RBM42: variants seen among roughly 807,000 people sequenced by gnomAD.
RBM42 encodes RNA-binding protein 42.
Under a neutral mutation model 41.4 loss-of-function variants are expected in RBM42, and 21 were observed. That is an observed-to-expected ratio of 0.51 (90% CI 0.36 to 0.73). RBM42 has a LOEUF of 0.73. RBM42 is among the 30% of genes least tolerant of loss of function. The probability of loss-of-function intolerance (pLI) is 0.00; values close to 1 mark genes in which losing one functional copy is unlikely to be tolerated. For synonymous variants in RBM42, 272 were observed against 271.2 expected, an observed-to-expected ratio of 1.00 and a Z score of -0.03; for missense variants, 539 against 680.4, an observed-to-expected ratio of 0.79 and a Z score of 2.31.
intron 8 of RBM42, among the ~76,000 whole-genome samples, 171 bp downstream of exon 8, chr19:35,634,544 G>A (rs115792826): frequency 3.3e-5 from 5 of 152,130 alleles, no homozygotes; most frequent in African/African-American, 1.2e-4. Flanking sequence ...ACCTAGCCAT[G>A]GGCCGGAGCT....
chr19:35,633,663 C>A, intron 6 of RBM42, 24 bp from the exon 7 acceptor site: 4 of 1,415,596 alleles, frequency 2.8e-6, no homozygotes, highest in Non-Finnish European at 3.7e-6. Flanking sequence ...GCCGGCCCCC[C>A]TCATGCTCTC....
At position 35,637,433 on chromosome 19, in the gene RBM42, T is replaced by C; in HGVS notation, c.1331-9T>C. 6.2e-7 allele frequency: 1 copy of C among 1,613,878 alleles called. No homozygotes were observed. Among genetic ancestry groups the C allele is most frequent in the Non-Finnish European group, 8.5e-7 (1 of 1,179,866 alleles). ...ACCCGAGCCTGCCTTGAACCCTCTGTCTCCACAGGGAAGTATGTGGGCTCG... is the reference window on the plus strand; with the variant it reads ...ACCCGAGCCTGCCTTGAACCCTCTGCCTCCACAGGGAAGTATGTGGGCTCG... On this transcript the variant is annotated splice_polypyrimidine_tract_variant and intron_variant, in intron 9 of 9. Coordinates refer to ENST00000262633, the MANE Select transcript of RBM42 (RefSeq NM_024321.5). The surrounding 1 kb of genome is among the most constrained non-coding windows in gnomAD (Gnocchi z 7.0).
intron 8 of RBM42, 53 bp downstream of exon 8, chr19:35,634,426 C>A: frequency 7.4e-7 from 1 of 1,342,562 alleles, no homozygotes; most frequent in Non-Finnish European, 1.1e-6. Context: ...TCAGACCAGG[C>A]TGCTGTCCTT....
Position 35,633,919 on chromosome 19 carries a change from G to T in RBM42, c.917G>T (p.Arg306Leu). 6.3e-7 allele frequency: 1 copy of T among 1,589,814 alleles called. No individual in the cohort carries two copies. The highest frequency in any genetic ancestry group is 8.5e-7 in the Non-Finnish European group (1 of 1,172,676). ...CTGCCCCTCCCGTTGGAGGTCGTCC[G>T]CGGCCTCCTGCCCCCGCTGCGCATT... is the stretch of plus-strand genomic sequence containing the variant. ...EPLPLPLEVV[R>L]GLLPPLRIPE... The change falls in exon 7 of 10, where the codon CGC becomes CTC. Residue 306 changes from arginine to leucine, a missense_variant. By Grantham distance (102) the Arg-to-Leu change is moderately radical (BLOSUM62 -2). This residue lies in a region of RBM42 where 429 missense variants were observed against 488.9 expected (regional missense o/e 0.88). Coordinates refer to ENST00000262633, the MANE Select transcript of RBM42 (RefSeq NM_024321.5).
At position 35,637,088 on chromosome 19, in the gene RBM42, A is replaced by C; in HGVS notation, c.1136-70A>C. The C allele has an allele frequency of 7.1e-7, 1 of 1,414,374 alleles. No individual in the cohort carries two copies. The highest frequency in any genetic ancestry group is 1.3e-5 in the South Asian group (1 of 76,024). The allele number at this position is 1,414,374 out of a possible 1,614,324, so 87.6% of individuals were successfully genotyped here. On this transcript the variant is annotated intron_variant, in intron 8 of 9. Coordinates refer to ENST00000262633, the MANE Select transcript of RBM42 (RefSeq NM_024321.5). The surrounding 1 kb of genome is among the most constrained non-coding windows in gnomAD (Gnocchi z 7.0). ...GACTAGATACCTCCGAAAAGGTGGG[A>C]TCGTTCAGACAAGGTAGACACTGGG...
At position 35,637,158 on chromosome 19, in the gene RBM42, A is replaced by G. The variant is rs776215681; in HGVS notation, c.1136A>G (p.Asp379Gly). The change falls in exon 9 of 10, where the codon GAT becomes GGT. Residue 379 changes from aspartate (D) to glycine (G), a missense_variant and splice_region_variant. Asp to Gly is a moderately conservative substitution (Grantham distance 94). This residue lies in a region of RBM42 where 110 missense variants were observed against 191.5 expected (regional missense o/e 0.57). Coordinates refer to ENST00000262633, the MANE Select transcript of RBM42 (RefSeq NM_024321.5). This position sits in a 1 kb window ranked among gnomAD's most constrained non-coding sequence, Gnocchi z 7.0. ...EDPSLLEWDA[D>G]DFRIFCGDLG... Reference sequence around the variant, plus strand: ...GATGTCATCTCTTCCCCATCCCCAGATGACTTCCGGATCTTCTGTGGGGAT... The same window carrying G: ...GATGTCATCTCTTCCCCATCCCCAGGTGACTTCCGGATCTTCTGTGGGGAT... 2 of 1,612,098 alleles carry G rather than the reference A, an allele frequency of 1.2e-6. No individual in the cohort carries two copies. The highest frequency in any genetic ancestry group is 3.3e-5 in the Admixed American group (2 of 59,722).
In RBM42 at chr19:35,633,881, C is replaced by T. The variant is rs372553846; in HGVS notation, c.879C>T (p.Pro293=). 1.6e-4 allele frequency: 259 copies of T among 1,593,826 alleles called. 1 individual carries two copies. Among genetic ancestry groups the T allele is most frequent in the Admixed American group, 1.5e-4 (9 of 58,602 alleles). ...SLPLALAMPL[P]EPEPLPLPLE... is the part of the protein sequence containing the mutation. Reference sequence around the variant, plus strand: ...CGCTGGCCCTGGCCATGCCATTGCCCGAGCCTGAGCCCCTGCCCCTCCCGT... The same window carrying T: ...CGCTGGCCCTGGCCATGCCATTGCCTGAGCCTGAGCCCCTGCCCCTCCCGT... The change falls in exon 7 of 10, where the codon CCC becomes CCT. Residue 293 remains proline (P), a synonymous_variant. Coordinates refer to ENST00000262633, the MANE Select transcript of RBM42 (RefSeq NM_024321.5).
Position 35,637,327 on chromosome 19 carries a change from C to T in RBM42, c.1305C>T (p.Tyr435=), listed in dbSNP as rs762886353. The T allele has an allele frequency of 8.7e-6, 14 of 1,614,246 alleles. No individual in the cohort carries two copies. Among genetic ancestry groups the T allele is most frequent in the Middle Eastern group, 1.6e-4 (1 of 6,062 alleles). The change falls in exon 9 of 10, where the codon TAC becomes TAT. Residue 435 remains tyrosine, a synonymous_variant. Transcript: ENST00000262633. This position sits in a 1 kb window ranked among gnomAD's most constrained non-coding sequence, Gnocchi z 7.0. The part of the protein sequence containing the change: ...GFVSFKDPSD[Y]VRAMREMNGK... ...TCAGCTTCAAGGACCCCAGCGACTA[C>T]GTGCGCGCCATGCGTGAGATGAATG...
chr19:35,635,085 C>T (rs1347410692), intron 8 of RBM42, among the ~76,000 whole-genome samples: 1 of 151,772 alleles, frequency 6.6e-6, no homozygotes, highest in Non-Finnish European at 1.5e-5. Context: ...GAGGCGGAGG[C>T]AGGTGGATCA....
At chr19:35,632,041 C>T (rs537746264) in intron 4 of RBM42, 1 of 153,370 alleles carries the variant, frequency 6.5e-6, no homozygotes, top group East Asian at 1.9e-4. Flanking sequence ...ATTTGTAGGA[C>T]ATTACTTCCT....
At position 35,637,231 on chromosome 19, in the gene RBM42, C is replaced by T. The variant is rs1599609415; in HGVS notation, c.1209C>T (p.Arg403=). 1 of 1,614,198 alleles carries T rather than the reference C, an allele frequency of 6.2e-7. No individual in the cohort carries two copies. The highest frequency in any genetic ancestry group is 8.5e-7 in the Non-Finnish European group (1 of 1,180,036). The change falls in exon 9 of 10, where the codon CGC becomes CGT. Residue 403 remains arginine (R), a synonymous_variant. Transcript: ENST00000262633. This position sits in a 1 kb window ranked among gnomAD's most constrained non-coding sequence, Gnocchi z 7.0. Reference sequence around the variant, plus strand: ...ACATCTTGGCACGCGCCTTCAGCCGCTTCCCATCCTTCCTTAAGGCCAAGG... The same window carrying T: ...ACATCTTGGCACGCGCCTTCAGCCGTTTCCCATCCTTCCTTAAGGCCAAGG... ...NDDILARAFS[R]FPSFLKAKVI...
chr19:35,632,848 T>C, intron 4 of RBM42, 88 bp from the exon 5 acceptor site: 1 of 716,068 alleles, frequency 1.4e-6, no homozygotes, highest in Non-Finnish European at 2.6e-6. Flanking sequence ...ATGCTGAGAG[T>C]GCACACACAC....
Position 35,633,689 on chromosome 19 carries a change from A to G in RBM42, c.687A>G (p.Glu229=). ...GSMAALRPPL[E]EPAAPRELGL... ...TCATGCTCTCCTCTTACCCACAGGA[A>G]GAGCCAGCAGCACCCCGAGAGCTGG... The change falls in exon 7 of 10, where the codon GAA becomes GAG. Residue 229 remains glutamate (E), a splice_region_variant and synonymous_variant. Transcript: ENST00000262633. 1 of 1,451,634 alleles carries G rather than the reference A, an allele frequency of 6.9e-7. No individual in the cohort carries two copies. The highest frequency in any genetic ancestry group is 9.0e-7 in the Non-Finnish European group (1 of 1,105,328). 89.9% of individuals were successfully genotyped at this position (1,451,634 alleles called of 1,614,324 possible). A position where few individuals can be genotyped will look rare whatever the true frequency, so the allele number is the denominator to read the frequency against.
intron 2 of RBM42, among the ~76,000 whole-genome samples, chr19:35,630,353 G>A (rs566046525): frequency 6.6e-6 from 1 of 151,746 alleles, no homozygotes; most frequent in East Asian, 2.0e-4. Context: ...CATACCTGTT[G>A]TGTTGTTGTG....
intron 6 of RBM42, among the ~76,000 whole-genome samples, 174 bp from the exon 7 acceptor site, chr19:35,633,511 GTC>G (rs774773650): frequency 9.2e-5 from 14 of 152,240 alleles, no homozygotes; most frequent in Non-Finnish European, 1.8e-4. Flanking sequence ...GTCTGTGGCT[GTC>G]TCTCTCTGCC....
chr19:35,637,408 A>G lies in RBM42; in HGVS notation c.1331-34A>G. The G allele has an allele frequency of 6.2e-7, 1 of 1,613,150 alleles. No homozygotes were observed. Among genetic ancestry groups the G allele is most frequent in the Non-Finnish European group, 8.5e-7 (1 of 1,179,390 alleles). The stretch of plus-strand genomic sequence containing the variant: ...CGCGGCAGGCGCTGGCCTAAGCCTG[A>G]CCCGAGCCTGCCTTGAACCCTCTGT... On this transcript the variant is annotated intron_variant, in intron 9 of 9. Transcript: ENST00000262633. The surrounding 1 kb of genome is among the most constrained non-coding windows in gnomAD (Gnocchi z 7.0).
intron 8 of RBM42, 90 bp downstream of exon 8, chr19:35,634,463 TC>T (rs1967462193): frequency 1.1e-6 from 1 of 902,434 alleles, no homozygotes; most frequent in Non-Finnish European, 1.8e-6. Flanking sequence ...GGGTGAACCC[TC>T]TCAGTAGGGT....
rs952152498 is a variant in RBM42, at chr19:35,630,813, A to G, written c.283-327A>G. On this transcript the variant is annotated intron_variant, in intron 2 of 9. Transcript: ENST00000262633. ...AGGGCAGAAGCCAGGAGATGGAGGA[A>G]GGGGCTAGTACAGTAATCTAGACAG... 1.1e-4 allele frequency among the ~76,000 whole-genome samples: 17 copies of G among 151,802 alleles called. No individual in the cohort carries two copies. In the East Asian group the frequency reaches 1.7e-3, roughly 16 times the overall value.
intron 3 of RBM42, 33 bp downstream of exon 3, chr19:35,631,257 G>T (rs771121205): frequency 6.2e-7 from 1 of 1,612,308 alleles, no homozygotes; most frequent in African/African-American, 1.3e-5. Flanking sequence ...AGGGGGTTGG[G>T]CAATCAGGCA....
Sources: allele counts gnomAD v4.1 joint callset (sites outside exome capture counted in the v4.1 genomes callset), GRCh38; gene constraint gnomAD v4.1.1; regional missense constraint gnomAD v4.1.1; non-coding constraint Gnocchi (gnomAD v3.1); transcripts MANE v1.5; gene names NCBI Gene and HGNC (gene_info 2026-07-23, HGNC 2026-07-21).